Variants in GRIK2 observed in about 807,000 individuals in gnomAD.
GRIK2 encodes glutamate receptor ionotropic, kainate 2.
A neutral mutation model predicts 100.3 loss-of-function variants in GRIK2; 32 were observed. That is an observed-to-expected ratio of 0.32 (90% CI 0.24 to 0.43). The LOEUF (loss-of-function observed/expected upper bound fraction) is 0.43. Ranked by LOEUF, GRIK2 falls within the 20% of genes least tolerant of loss-of-function variation. The pLI is 1.00. For synonymous variants in GRIK2, 417 were observed against 389.4 expected (o/e 1.07, Z -0.83); for missense variants, 843 against 1,114.9 (o/e 0.76, Z 3.47).
At chr6:101,774,369 G>T (rs559804542) in intron 7 of GRIK2, among the ~76,000 whole-genome samples, 4 of 152,296 alleles carry the variant, frequency 2.6e-5, no homozygotes, top group African/African-American at 9.6e-5. Context: ...AGACCAGCTG[G>T]AAGTGCAAAG....
Position 101,589,344 on chromosome 6 carries a change from C to T in GRIK2, c.116-32605C>T, listed in dbSNP as rs78992963. Among the ~76,000 whole-genome samples the T allele has an allele frequency of 3.0e-3, 453 of 152,174 alleles. 1 individual carries two copies. The highest frequency in any genetic ancestry group is 0.01 in the African/African-American group (424 of 41,548). Reference sequence around the variant, plus strand: ...ACCCTCTTTTAGAATATTTTTAAAACACAGTATGTTATTAACTATAGCCAC... The same window carrying T: ...ACCCTCTTTTAGAATATTTTTAAAATACAGTATGTTATTAACTATAGCCAC... On this transcript the variant is annotated intron_variant, in intron 2 of 16. Transcript: ENST00000369134.
At chr6:101,924,200 T>G (rs1270472949) in intron 12 of GRIK2, among the ~76,000 whole-genome samples, 1 of 152,184 alleles carries the variant, frequency 6.6e-6, no homozygotes, top group African/African-American at 2.4e-5. Flanking sequence ...ATTTTATATT[T>G]TTTTCTGTCT....
chr6:101,570,975 T>C (rs946961640), intron 2 of GRIK2, among the ~76,000 whole-genome samples: 2 of 152,200 alleles, frequency 1.3e-5, no homozygotes, highest in African/African-American at 4.8e-5. Context: ...GTTTTCTTCT[T>C]CTAGCATTAT....
intron 2 of GRIK2, among the ~76,000 whole-genome samples, chr6:101,508,493 T>C (rs1562188934): frequency 6.6e-6 from 1 of 151,982 alleles, no homozygotes; most frequent in Non-Finnish European, 1.5e-5. Context: ...ATATAGAAAA[T>C]ATTGATTTTT....
intron 2 of GRIK2, among the ~76,000 whole-genome samples, chr6:101,477,546 C>G (rs1349361807): frequency 6.6e-6 from 1 of 151,924 alleles, no homozygotes; most frequent in Non-Finnish European, 1.5e-5. Flanking sequence ...ACTTTTCAGT[C>G]CATTCTGTTG....
chr6:101,999,763 A>T (rs193094379), intron 14 of GRIK2, among the ~76,000 whole-genome samples: 1 of 152,212 alleles, frequency 6.6e-6, no homozygotes, highest in Admixed American at 6.5e-5. Context: ...ATCAAAGGGG[A>T]AAACATTCAT....
At chr6:101,952,375 G>A (rs1481241828) in intron 14 of GRIK2, among the ~76,000 whole-genome samples, 1 of 152,158 alleles carries the variant, frequency 6.6e-6, no homozygotes, top group Non-Finnish European at 1.5e-5. Flanking sequence ...TTTGAGCAAA[G>A]CTGCTATGAA....
rs34929195 is a variant in GRIK2 at position 101,876,484 on chromosome 6, AACACACACAC to A, written c.1525-13130_1525-13121del. 2.2e-3 allele frequency among the ~76,000 whole-genome samples: 326 copies of A among 148,916 alleles called. 1 individual carries two copies. Among genetic ancestry groups the A allele is most frequent in the South Asian group, 7.2e-3 (34 of 4,740 alleles). On this transcript the variant is annotated intron_variant, in intron 11 of 16. Transcript: ENST00000369134. ...ATGGTTTCCTTAGAAAACAAAAACA[AACACACACAC>A]ACACACACACACACACACACACACA...
intron 2 of GRIK2, among the ~76,000 whole-genome samples, chr6:101,554,030 A>C: frequency 6.6e-6 from 1 of 152,216 alleles, no homozygotes; most frequent in East Asian, 1.9e-4. Flanking sequence ...TCTTGACCCA[A>C]GAACAGCTAA....
intron 2 of GRIK2, among the ~76,000 whole-genome samples, chr6:101,573,305 A>G (rs1455240522): frequency 6.6e-6 from 1 of 152,154 alleles, no homozygotes; most frequent in African/African-American, 2.4e-5. Flanking sequence ...TTACTCAGAC[A>G]TGCTTGGGGT....
chr6:101,598,592 T>TAAAAAAAAAAAAAAAAAAAAAAAAAA (rs75603851), intron 2 of GRIK2, among the ~76,000 whole-genome samples: 1 of 82,394 alleles, frequency 1.2e-5, no homozygotes, highest in East Asian at 3.5e-4. Flanking sequence ...TCTTCCTTAA[T>TAAAAAAAAAAAAAAAAAAAAAAAAAA]AAAAAAAAAA....
intron 9 of GRIK2, among the ~76,000 whole-genome samples, chr6:101,814,079 G>A (rs77324739): frequency 0.027 from 4,122 of 152,070 alleles, 177 homozygotes; most frequent in African/African-American, 0.089. Flanking sequence ...CTGAATATTC[G>A]TTTTTCAGCA....
At chr6:101,411,006 T>C (rs898144858) in intron 2 of GRIK2, among the ~76,000 whole-genome samples, 3 of 152,050 alleles carry the variant, frequency 2.0e-5, no homozygotes, top group Non-Finnish European at 4.4e-5. Flanking sequence ...GAAACAGCCT[T>C]CCCATGATGC....
intron 14 of GRIK2, among the ~76,000 whole-genome samples, chr6:101,976,048 G>A (rs534262426): frequency 1.2e-4 from 18 of 152,004 alleles, no homozygotes; most frequent in African/African-American, 4.3e-4. Flanking sequence ...AGAGGTAGAG[G>A]GGTCTGTCAT....
At chr6:101,935,840 T>A (rs1430561826) in intron 14 of GRIK2, among the ~76,000 whole-genome samples, 1 of 152,016 alleles carries the variant, frequency 6.6e-6, no homozygotes, top group African/African-American at 2.4e-5. Context: ...AACCCCTCAA[T>A]ATTCCTTTGC....
intron 14 of GRIK2, among the ~76,000 whole-genome samples, chr6:101,974,281 A>G (rs1793234652): frequency 6.6e-6 from 1 of 152,020 alleles, no homozygotes; most frequent in Admixed American, 6.6e-5. Flanking sequence ...AGTACGTACT[A>G]TGTCTGCCAG....
At chr6:101,845,920 A>C (rs1783781089) in intron 10 of GRIK2, among the ~76,000 whole-genome samples, 1 of 152,086 alleles carries the variant, frequency 6.6e-6, no homozygotes, top group Admixed American at 6.5e-5. Context: ...AATGATGTTG[A>C]GCATGTTTCT....
chr6:101,909,252 G>A (rs1788464140), intron 12 of GRIK2, among the ~76,000 whole-genome samples: 1 of 150,500 alleles, frequency 6.6e-6, no homozygotes, highest in African/African-American at 2.4e-5. Flanking sequence ...ATATAAACAT[G>A]ATTATTGTTA....
intron 14 of GRIK2, among the ~76,000 whole-genome samples, chr6:101,934,827 G>C (rs1239592826): frequency 2.6e-5 from 4 of 151,924 alleles, no homozygotes; most frequent in Non-Finnish European, 4.4e-5. Flanking sequence ...ATTGAAAAAT[G>C]TCTTCTGAAA....
Sources: gnomAD v4.1 joint callset for allele counts (sites outside exome capture counted in the v4.1 genomes callset) on GRCh38, gnomAD v4.1.1 for gene constraint, MANE v1.5 for transcripts, NCBI Gene and HGNC (gene_info 2026-07-23, HGNC 2026-07-21) for gene names.